The following HUWE1 variants were observed in gnomAD, a reference collection of about 807,000 sequenced individuals.
HUWE1 encodes the protein E3 ubiquitin-protein ligase HUWE1.
Under a neutral mutation model 299.4 loss-of-function variants are expected in HUWE1, and 18 were observed. The ratio of observed to expected loss-of-function variants is 0.06; its 90% CI spans 0.04 to 0.09. The LOEUF (loss-of-function observed/expected upper bound fraction) is 0.09, where lower values mean the gene tolerates loss of function less well. Ranked by LOEUF, HUWE1 falls within the 10% of genes least tolerant of loss-of-function variation. The pLI is 1.00. For missense variants in HUWE1, 1,832 were observed against 3,462.3 expected (o/e 0.53, Z 11.82); for synonymous variants, 1,317 against 1,286.1 (o/e 1.02, Z -0.51).
chrX:53,532,751 T>G lies in HUWE1; in HGVS notation c.*558A>C, dbSNP rs2060828308. The G allele has an allele frequency of 9.3e-6, 1 of 107,286 alleles. No individual in the cohort carries two copies. Among genetic ancestry groups the G allele is most frequent in the Admixed American group, 1.0e-4 (1 of 9,900 alleles). The allele number at this position is 107,286 out of a possible 1,213,427, so 8.8% of individuals were successfully genotyped here. The stretch of plus-strand genomic sequence containing the variant: ...TAGCATGTGCTTAAGAGTTTTTTGT[T>G]TTTTTTTTTAAGTTTGAAAAAAACT... On this transcript the variant is annotated 3_prime_UTR_variant, in exon 84 of 84. Transcript: ENST00000262854.
chrX:53,566,133 G>GTGTGTGTATATA (rs782815282), intron 49 of HUWE1, among the ~76,000 whole-genome samples: 17 of 38,969 alleles, frequency 4.4e-4, no homozygotes, highest in African/African-American at 1.3e-3. Context: ...GTGTGTGTGT[G>GTGTGTGTATATA]TATATATATA....
At chrX:53,563,965 G>A (rs2062413548) in intron 51 of HUWE1, 144 bp from the exon 52 acceptor site, 5 of 660,127 alleles carry the variant, frequency 7.6e-6, no homozygotes, top group Non-Finnish European at 9.4e-6. Context: ...CACATTCGGT[G>A]CTAATTAGCA....
rs782090849 is a variant in HUWE1 at position 53,559,228 on chromosome X, C to T, written c.7915+126G>A. On this transcript the variant is annotated intron_variant, in intron 57 of 83. Transcript: ENST00000262854. The stretch of plus-strand genomic sequence containing the variant: ...AAGTTTTTGTTGCCCATGGCTAAGT[C>T]ACTGAGTGGTTCTGGCTCCTATAAA... 4.1e-5 allele frequency: 34 copies of T among 834,787 alleles called. No homozygotes were observed. The African/African-American group carries it at 5.6e-4, about 14-fold the overall frequency. 68.8% of individuals were successfully genotyped at this position (834,787 alleles called of 1,213,427 possible). A position where few individuals can be genotyped will look rare whatever the true frequency, so the allele number is the denominator to read the frequency against.
At chrX:53,639,915 G>A (rs1281948183) in intron 7 of HUWE1, among the ~76,000 whole-genome samples, 1 of 112,467 alleles carries the variant, frequency 8.9e-6, no homozygotes, top group African/African-American at 3.2e-5. Flanking sequence ...CCAATTTACA[G>A]ACACAGAAAC....
At chrX:53,590,375 C>T (rs782408619) in intron 35 of HUWE1, 29 bp downstream of exon 35, 1 of 940,974 alleles carries the variant, frequency 1.1e-6, no homozygotes, top group South Asian at 1.9e-5. Context: ...ATGTGCCAAG[C>T]CCTTTAGGAT....
intron 23 of HUWE1, among the ~76,000 whole-genome samples, chrX:53,611,222 T>A (rs1557001911): frequency 9.5e-6 from 1 of 104,979 alleles, no homozygotes; most frequent in Non-Finnish European, 1.9e-5. Flanking sequence ...AAGGGTAGTG[T>A]CTAAGCCTGG....
intron 46 of HUWE1, 136 bp downstream of exon 46, chrX:53,575,019 T>A: frequency 1.9e-6 from 1 of 524,407 alleles, no homozygotes; most frequent in Non-Finnish European, 3.4e-6. Context: ...TGAGCTCACC[T>A]GAGAAAGTTC....
chrX:53,686,431 G>C (rs1557055680), intron 1 of HUWE1, 63 bp from the exon 2 acceptor site: 2 of 112,968 alleles, frequency 1.8e-5, no homozygotes, highest in African/African-American at 6.4e-5. Context: ...TGCCCCTCCA[G>C]CAGCCTTTCC....
Position 53,536,472 on chromosome X carries a change from T to C in HUWE1, c.12333A>G (p.Gly4111=), listed in dbSNP as rs2061071071. The C allele has an allele frequency of 1.7e-6, 2 of 1,210,986 alleles. No homozygotes were observed. The highest frequency in any genetic ancestry group is 3.5e-5 in the African/African-American group (2 of 57,668). The change falls in exon 79 of 84, where the codon GGA becomes GGG. Residue 4111 remains glycine, a synonymous_variant. Transcript: ENST00000262854. Reference sequence around the variant, plus strand: ...CATATACAGCTTTGGCCACAATGCGTCCGACAAACTTGAAGTAGCTGAGGT... The same window carrying C: ...CATATACAGCTTTGGCCACAATGCGCCCGACAAACTTGAAGTAGCTGAGGT... ...PNHLSYFKFV[G]RIVAKAVYDN... is the part of the protein sequence containing the mutation.
intron 7 of HUWE1, among the ~76,000 whole-genome samples, chrX:53,637,505 A>T (rs1157479707): frequency 1.8e-5 from 2 of 112,718 alleles, no homozygotes; most frequent in African/African-American, 6.4e-5. Flanking sequence ...GTGTATCTAC[A>T]CAATTATTTT....
chrX:53,626,827 C>G (rs1025567626), intron 17 of HUWE1, among the ~76,000 whole-genome samples: 1 of 111,529 alleles, frequency 9.0e-6, no homozygotes, highest in Non-Finnish European at 1.9e-5. Context: ...CCACCCCACC[C>G]GGCTAAGTTT....
intron 4 of HUWE1, among the ~76,000 whole-genome samples, chrX:53,653,464 C>T (rs2068591874): frequency 9.0e-6 from 1 of 111,332 alleles, no homozygotes; most frequent in African/African-American, 3.3e-5. Context: ...GTCAACAGGA[C>T]TATCACAATG....
intron 74 of HUWE1, among the ~76,000 whole-genome samples, chrX:53,540,087 A>G (rs1243987905): frequency 8.9e-6 from 1 of 112,542 alleles, no homozygotes; most frequent in East Asian, 2.8e-4. Context: ...GCAGATCCAG[A>G]TAGTGCTAGT....
chrX:53,592,459 G>A lies in HUWE1; in HGVS notation c.3911C>T (p.Thr1304Ile), dbSNP rs1556980044. 9 of 1,210,735 alleles carry A rather than the reference G, an allele frequency of 7.4e-6. No homozygotes were observed. The highest frequency in any genetic ancestry group is 8.9e-6 in the Non-Finnish European group (8 of 895,104). ...EKEGSRGEED[T>I]GQEEGGSRRE... Reference sequence around the variant, plus strand: ...GCGGGAGCCACCTTCCTCTTGCCCTGTATCCTCTTCTCCTCGAGACCCCTC... The same window carrying A: ...GCGGGAGCCACCTTCCTCTTGCCCTATATCCTCTTCTCCTCGAGACCCCTC... The change falls in exon 33 of 84, where the codon ACA becomes ATA. Residue 1304 changes from threonine to isoleucine, a missense_variant. Transcript: ENST00000262854.
chrX:53,578,931 C>T (rs1276764649), intron 43 of HUWE1, among the ~76,000 whole-genome samples: 1 of 72,741 alleles, frequency 1.4e-5, no homozygotes, highest in African/African-American at 5.5e-5. Flanking sequence ...CCTGGCCAGC[C>T]GCCCCGTCCG....
At chrX:53,608,083 A>C (rs1365065560) in intron 24 of HUWE1, among the ~76,000 whole-genome samples, 1 of 112,265 alleles carries the variant, frequency 8.9e-6, no homozygotes, top group African/African-American at 3.2e-5. Flanking sequence ...AAATGTGCTT[A>C]TAATGCAAAT....
At chrX:53,662,387 G>A (rs1485776131) in intron 3 of HUWE1, among the ~76,000 whole-genome samples, 4 of 111,313 alleles carry the variant, frequency 3.6e-5, no homozygotes, top group African/African-American at 1.3e-4. Context: ...TTCTAAGTTC[G>A]CCGCTGGAAT....
intron 3 of HUWE1, among the ~76,000 whole-genome samples, chrX:53,654,573 C>T (rs939368027): frequency 9.0e-6 from 1 of 111,473 alleles, no homozygotes; most frequent in East Asian, 2.8e-4. Flanking sequence ...TACTGCATGA[C>T]CATGTATAAT....
intron 55 of HUWE1, among the ~76,000 whole-genome samples, chrX:53,561,416 G>T (rs1035679431): frequency 8.9e-6 from 1 of 112,717 alleles, no homozygotes; most frequent in Non-Finnish European, 1.9e-5. Context: ...TGGACATAAG[G>T]ATTATTGATT....
Sources: gnomAD v4.1 joint callset for allele counts (sites outside exome capture counted in the v4.1 genomes callset) on GRCh38, gnomAD v4.1.1 for gene constraint, MANE v1.5 for transcripts, NCBI Gene and HGNC (gene_info 2026-07-23, HGNC 2026-07-21) for gene names.